FRMD6: variants seen among roughly 807,000 people sequenced by gnomAD.
The protein encoded by FRMD6 is FERM domain-containing protein 6.
FRMD6 carries 37 observed loss-of-function variants against 73.2 expected under a neutral mutation model. That is an observed-to-expected ratio of 0.51 (90% CI 0.39 to 0.66). The LOEUF is 0.66. FRMD6 is among the 30% of genes least tolerant of loss of function. The pLI, the probability that FRMD6 is intolerant of heterozygous loss-of-function variation, is 0.00. For synonymous variants in FRMD6, 273 were observed against 282.2 expected, an observed-to-expected ratio of 0.97 and a Z score of 0.33; for missense variants, 714 against 780.5, an observed-to-expected ratio of 0.91 and a Z score of 1.02.
chr14:51,463,155 C>T, the FRMD6 span, among the ~76,000 whole-genome samples: 2 of 152,190 alleles, frequency 1.3e-5, no homozygotes, highest in Non-Finnish European at 2.9e-5. Context: ...TTTTGCTCTT[C>T]TTGTCATGAA....
At chr14:51,662,685 T>TA (rs1421680834) in intron 1 of FRMD6, among the ~76,000 whole-genome samples, 2 of 152,074 alleles carry the variant, frequency 1.3e-5, no homozygotes, top group Non-Finnish European at 2.9e-5. Context: ...AGCCCCAAAC[T>TA]AAAAACCCTG....
chr14:51,714,011 C>T (rs1281132559), intron 9 of FRMD6: 1 of 152,108 alleles, frequency 6.6e-6, no homozygotes, highest in Non-Finnish European at 1.5e-5. Context: ...GCCTCATGCT[C>T]CTCCTCCAGG....
At chr14:51,666,783 C>A (rs966769303) in intron 1 of FRMD6, among the ~76,000 whole-genome samples, 3 of 152,108 alleles carry the variant, frequency 2.0e-5, no homozygotes, top group Non-Finnish European at 2.9e-5. Context: ...TGTTTGGTAC[C>A]TGAGTTGAAC....
At chr14:51,439,744 G>A in the FRMD6 span, among the ~76,000 whole-genome samples, 41 of 152,256 alleles carry the variant, frequency 2.7e-4, no homozygotes, top group African/African-American at 9.6e-4. Context: ...GGCTGTAGGC[G>A]TTTTTTGAGC....
intron 2 of FRMD6, among the ~76,000 whole-genome samples, chr14:51,573,806 A>G (rs952244333): frequency 6.6e-6 from 1 of 152,156 alleles, no homozygotes; most frequent in African/African-American, 2.4e-5. Flanking sequence ...TCATTTGCAT[A>G]AAGGAGTCAA....
chr14:51,706,748 T>G (rs148260423), intron 6 of FRMD6, among the ~76,000 whole-genome samples: 1 of 152,144 alleles, frequency 6.6e-6, no homozygotes, highest in Admixed American at 6.5e-5. Context: ...TTACATCTTA[T>G]TTTAAAATGA....
chr14:51,433,011 A>AC, the FRMD6 span, among the ~76,000 whole-genome samples: 1 of 152,334 alleles, frequency 6.6e-6, no homozygotes, highest in Admixed American at 6.5e-5. Context: ...TTAAAACAAC[A>AC]CTGAGATACG....
At chr14:51,653,475 G>A (rs764827129) in intron 1 of FRMD6, among the ~76,000 whole-genome samples, 10 of 152,148 alleles carry the variant, frequency 6.6e-5, no homozygotes, top group Admixed American at 1.3e-4. Flanking sequence ...CATTAAAAAG[G>A]CTTGTGACTT....
chr14:51,657,664 G>T (rs990284342), intron 1 of FRMD6, among the ~76,000 whole-genome samples: 1 of 152,148 alleles, frequency 6.6e-6, no homozygotes, highest in African/African-American at 2.4e-5. Flanking sequence ...TCTAAAAAAT[G>T]TTGAGCACTT....
At chr14:51,546,372 C>T (rs1886461807) in intron 1 of FRMD6, among the ~76,000 whole-genome samples, 1 of 149,814 alleles carries the variant, frequency 6.7e-6, no homozygotes, top group African/African-American at 2.5e-5. Context: ...TTCCCAAAAT[C>T]ATGTCTCTCA....
intron 2 of FRMD6, among the ~76,000 whole-genome samples, chr14:51,629,085 C>T (rs1054839283): frequency 2.6e-5 from 4 of 152,012 alleles, no homozygotes; most frequent in African/African-American, 9.7e-5. Flanking sequence ...ACCGTGTTAG[C>T]CAGGATGGTC....
At chr14:51,625,774 C>A (rs1891091858) in intron 2 of FRMD6, among the ~76,000 whole-genome samples, 1 of 151,858 alleles carries the variant, frequency 6.6e-6, no homozygotes, top group Admixed American at 6.6e-5. Flanking sequence ...CCACCTAGAT[C>A]TCACATCATT....
chr14:51,698,667 TA>T, intron 3 of FRMD6, among the ~76,000 whole-genome samples: 1 of 152,194 alleles, frequency 6.6e-6, no homozygotes, highest in East Asian at 1.9e-4. Flanking sequence ...TATCACAAAG[TA>T]ATTATTAATT....
At chr14:51,509,884 C>T (rs2140249756) in intron 1 of FRMD6, among the ~76,000 whole-genome samples, 1 of 152,220 alleles carries the variant, frequency 6.6e-6, no homozygotes, top group Admixed American at 6.5e-5. Flanking sequence ...TCTTGGTCTC[C>T]CAAAGTGCTG....
the FRMD6 span, among the ~76,000 whole-genome samples, chr14:51,473,753 C>T: frequency 0.018 from 2,693 of 152,202 alleles, 73 homozygotes; most frequent in African/African-American, 0.056. Context: ...GAGGCAGGAG[C>T]ATCTTTATCT....
intron 1 of FRMD6, among the ~76,000 whole-genome samples, chr14:51,502,328 T>C (rs1883672376): frequency 6.6e-6 from 1 of 152,232 alleles, no homozygotes; most frequent in Admixed American, 6.5e-5. Flanking sequence ...TTTTATAGTT[T>C]TGGGTTTTAC....
rs75865493 is a variant in FRMD6 at position 51,525,070 on chromosome 14, A to AATAGATAGATAG, written c.-210+35692_-210+35703dup. ...GAGAGAGAGAGAGACAGACAAATAG[A>AATAGATAGATAG]ATAGATAGATAGATAGATAGATAGA... is the stretch of plus-strand genomic sequence containing the variant. On this transcript the variant is annotated intron_variant, in intron 1 of 14. Coordinates refer to the FRMD6 transcript ENST00000356218. Among the ~76,000 whole-genome samples the AATAGATAGATAG allele has an allele frequency of 4.7e-4, 48 of 102,018 alleles. 1 individual carries two copies. Among genetic ancestry groups the AATAGATAGATAG allele is most frequent in the East Asian group, 3.7e-3 (12 of 3,274 alleles). 66.9% of individuals were successfully genotyped at this position (102,018 alleles called of 152,430 possible). A position where few individuals can be genotyped will look rare whatever the true frequency, so the allele number is the denominator to read the frequency against.
chr14:51,587,480 T>C (rs1041038194), intron 2 of FRMD6, among the ~76,000 whole-genome samples: 1 of 152,214 alleles, frequency 6.6e-6, no homozygotes, highest in African/African-American at 2.4e-5. Context: ...TAAATATTAG[T>C]ATAGCTTAGT....
intron 2 of FRMD6, chr14:51,575,808 C>T (rs1034753288): frequency 6.4e-4 from 98 of 152,304 alleles, no homozygotes; most frequent in African/African-American, 2.3e-3. Flanking sequence ...CTGGCAAGAG[C>T]TCATGGGCCA....
Sources: gnomAD v4.1 joint callset for allele counts (sites outside exome capture counted in the v4.1 genomes callset) on GRCh38, gnomAD v4.1.1 for gene constraint, MANE v1.5 for transcripts, NCBI Gene and HGNC (gene_info 2026-07-23, HGNC 2026-07-21) for gene names.